ENTREP2: variants seen among roughly 807,000 people sequenced by gnomAD.
ENTREP2 encodes endosomal transmembrane epsin interactor 2, also known as protein ENTREP2.
At chr15:29,570,510 A>G in the ENTREP2 span, 2 of 1,386,486 alleles carry the variant, frequency 1.4e-6, no homozygotes, top group Non-Finnish European at 1.9e-6. Flanking sequence ...CTCACCGAGA[A>G]GCCTGCCCAG....
the ENTREP2 span, among the ~76,000 whole-genome samples, chr15:29,356,268 G>GTGTATATATATATATA: frequency 1.7e-5 from 1 of 57,594 alleles, no homozygotes; most frequent in African/African-American, 8.6e-5. Context: ...GTGTGTGTGT[G>GTGTATATATATATATA]TATATATATA....
At chr15:29,388,953 G>T in the ENTREP2 span, among the ~76,000 whole-genome samples, 1 of 135,016 alleles carries the variant, frequency 7.4e-6, no homozygotes, top group Non-Finnish European at 1.6e-5. Context: ...ATCACACACC[G>T]GGGCCTGTTG....
the ENTREP2 span, among the ~76,000 whole-genome samples, chr15:29,154,026 T>C: frequency 6.6e-6 from 1 of 151,786 alleles, no homozygotes; most frequent in South Asian, 2.1e-4. Flanking sequence ...TAGGTTTAGG[T>C]TCCTTTTTAT....
chr15:29,556,116 G>A, the ENTREP2 span, among the ~76,000 whole-genome samples: 3 of 152,124 alleles, frequency 2.0e-5, no homozygotes, highest in Non-Finnish European at 2.9e-5. Context: ...AAAATTAGCC[G>A]GGAGTGGTGG....
At chr15:29,273,874 G>C in the ENTREP2 span, among the ~76,000 whole-genome samples, 8 of 152,150 alleles carry the variant, frequency 5.3e-5, no homozygotes, top group Non-Finnish European at 1.0e-4. Context: ...GCCACAGACT[G>C]AAGGCTGCAC....
chr15:29,606,235 CTTCT>C, the ENTREP2 span, among the ~76,000 whole-genome samples: 8 of 146,118 alleles, frequency 5.5e-5, no homozygotes, highest in Non-Finnish European at 1.1e-4. Context: ...TTTTCTTTTC[CTTCT>C]TTTTTTTTTT....
the ENTREP2 span, among the ~76,000 whole-genome samples, chr15:29,427,691 C>T: frequency 2.6e-5 from 4 of 152,280 alleles, no homozygotes; most frequent in South Asian, 2.1e-4. Context: ...TTCAGATACC[C>T]GGCATAACCT....
At chr15:29,501,318 T>C in the ENTREP2 span, among the ~76,000 whole-genome samples, 17 of 151,956 alleles carry the variant, frequency 1.1e-4, no homozygotes, top group Admixed American at 1.1e-3. Flanking sequence ...ATGAAAGGGG[T>C]TATTCACCAT....
At chr15:29,228,423 T>C in the ENTREP2 span, among the ~76,000 whole-genome samples, 2 of 152,120 alleles carry the variant, frequency 1.3e-5, no homozygotes, top group Non-Finnish European at 2.9e-5. Context: ...AAGTAGAATA[T>C]TGGTTATCAG....
chr15:29,624,421 G>C, the ENTREP2 span, among the ~76,000 whole-genome samples: 5,542 of 152,288 alleles, frequency 0.036, 147 homozygotes, highest in East Asian at 0.098. Flanking sequence ...TGTGAGTAGT[G>C]TAAGGATGCA....
the ENTREP2 span, chr15:29,151,846 G>A: frequency 1.8e-5 from 28 of 1,546,208 alleles, no homozygotes; most frequent in Middle Eastern, 3.3e-4. Flanking sequence ...GAGATCCTGC[G>A]AGGAAAGGTG....
chr15:29,386,783 G>C, the ENTREP2 span, among the ~76,000 whole-genome samples: 2 of 152,176 alleles, frequency 1.3e-5, no homozygotes, highest in Admixed American at 6.5e-5. Flanking sequence ...CAATGAGGCA[G>C]ACCATTCAGA....
At chr15:29,271,541 A>G in the ENTREP2 span, among the ~76,000 whole-genome samples, 23,228 of 152,236 alleles carry the variant, frequency 0.15, 2,189 homozygotes, top group Middle Eastern at 0.22. Context: ...TTAAAAATCA[A>G]CTCATAACTT....
chr15:29,657,475 T>TGGGGGGTCGGGGG, the ENTREP2 span, among the ~76,000 whole-genome samples: 1 of 3,806 alleles, frequency 2.6e-4, no homozygotes, highest in Admixed American at 3.4e-3. Flanking sequence ...CGCTGTCGGC[T>TGGGGGGTCGGGGG]GGGGGGGCGG....
chr15:29,436,826 T>G, the ENTREP2 span, among the ~76,000 whole-genome samples: 1 of 152,248 alleles, frequency 6.6e-6, no homozygotes, highest in East Asian at 1.9e-4. Context: ...AAAATGTTTT[T>G]CAAACGTATC....
At chr15:29,654,316 G>A in the ENTREP2 span, among the ~76,000 whole-genome samples, 2 of 152,062 alleles carry the variant, frequency 1.3e-5, no homozygotes, top group South Asian at 2.1e-4. Context: ...ACTAAAATTT[G>A]GACCAATTAC....
the ENTREP2 span, among the ~76,000 whole-genome samples, chr15:29,495,923 T>C: frequency 6.6e-6 from 1 of 152,164 alleles, no homozygotes; most frequent in Non-Finnish European, 1.5e-5. Context: ...AATTTTAGGA[T>C]TGTTTTTTCT....
At chr15:29,128,764 C>T in the ENTREP2 span, 2 of 1,537,066 alleles carry the variant, frequency 1.3e-6, no homozygotes, top group Non-Finnish European at 1.8e-6. Context: ...CACCCCACTT[C>T]AGGAGCTGAA....
chr15:29,372,110 A>G, the ENTREP2 span, among the ~76,000 whole-genome samples: 1 of 152,172 alleles, frequency 6.6e-6, no homozygotes, highest in African/African-American at 2.4e-5. Context: ...TTATGGCAGA[A>G]AATACAGTTG....
Sources: gnomAD v4.1 joint callset for allele counts (sites outside exome capture counted in the v4.1 genomes callset) on GRCh38, gnomAD v4.1.1 for gene constraint, MANE v1.5 for transcripts, NCBI Gene and HGNC (gene_info 2026-07-23, HGNC 2026-07-21) for gene names.